The following SNTG2 variants were observed in gnomAD, a reference collection of about 807,000 sequenced individuals.
SNTG2 encodes syntrophin gamma 2, also known as gamma-2-syntrophin.
In SNTG2, 74 loss-of-function variants were observed where a neutral mutation model predicts 70.9. That is an observed-to-expected ratio of 1.04 (90% CI 0.86 to 1.27). The LOEUF (loss-of-function observed/expected upper bound fraction) is 1.27, where lower values mean the gene tolerates loss of function less well. Ranked by LOEUF, SNTG2 falls within the 50% of genes most tolerant of loss-of-function variation. The pLI is 0.00. For missense variants in SNTG2, 717 were observed against 690.7 expected, an observed-to-expected ratio of 1.04 and a Z score of -0.43; for synonymous variants, 278 against 273.8, an observed-to-expected ratio of 1.02 and a Z score of -0.15.
chr2:1,258,035 A>T (rs796832718), intron 12 of SNTG2, among the ~76,000 whole-genome samples: 6 of 152,312 alleles, frequency 3.9e-5, no homozygotes, highest in African/African-American at 1.4e-4. Flanking sequence ...GTGGATCCAC[A>T]ATTCTGTATT....
intron 4 of SNTG2, among the ~76,000 whole-genome samples, chr2:1,128,291 A>G (rs543938873): frequency 6.6e-6 from 1 of 152,284 alleles, no homozygotes; most frequent in African/African-American, 2.4e-5. Context: ...TCTCGAGTCT[A>G]TTCATTTCAC....
intron 2 of SNTG2, 50 bp from the exon 3 acceptor site, chr2:1,098,146 G>T: frequency 4.4e-6 from 7 of 1,576,560 alleles, no homozygotes; most frequent in Non-Finnish European, 6.1e-6. Flanking sequence ...TTCACTTTCT[G>T]ATAGTGCATT....
chr2:1,359,563 C>A (rs921070992), intron 16 of SNTG2, among the ~76,000 whole-genome samples: 6 of 152,136 alleles, frequency 3.9e-5, no homozygotes, highest in African/African-American at 1.4e-4. Context: ...GTCTTGAAAT[C>A]TAAAGTGAGT....
intron 6 of SNTG2, among the ~76,000 whole-genome samples, chr2:1,143,880 A>G (rs1668919927): frequency 1.4e-5 from 2 of 139,740 alleles, no homozygotes; most frequent in South Asian, 4.7e-4. Flanking sequence ...CTCAAACAAC[A>G]AACAACCCCC....
At chr2:1,004,567 C>T (rs773576383) in intron 1 of SNTG2, among the ~76,000 whole-genome samples, 5 of 152,172 alleles carry the variant, frequency 3.3e-5, no homozygotes, top group Admixed American at 6.5e-5. Flanking sequence ...TGAGGATGCT[C>T]AATGTCACAT....
intron 1 of SNTG2, among the ~76,000 whole-genome samples, chr2:1,015,265 A>G (rs1659853550): frequency 6.6e-6 from 1 of 152,138 alleles, no homozygotes; most frequent in African/African-American, 2.4e-5. Context: ...AAATGGATTC[A>G]ATGTCTAGTT....
rs1324309154 is a variant in SNTG2 at position 1,014,511 on chromosome 2, A to G, written c.72+63443A>G. On this transcript the variant is annotated intron_variant, in intron 1 of 16. Transcript: ENST00000308624. Reference sequence around the variant, plus strand: ...AAGGGTGGTCTGGAGAGGGATTTATATGGGCAGAAAGAAGGGTGGTCTGGA... The same window carrying G: ...AAGGGTGGTCTGGAGAGGGATTTATGTGGGCAGAAAGAAGGGTGGTCTGGA... Among the ~76,000 whole-genome samples, 3 of 81,810 alleles carry G rather than the reference A, an allele frequency of 3.7e-5. 1 individual carries two copies. The highest frequency in any genetic ancestry group is 8.4e-5 in the Non-Finnish European group (3 of 35,578). The allele number at this position is 81,810 out of a possible 152,430, so 53.7% of individuals were successfully genotyped here. A position where few individuals can be genotyped will look rare whatever the true frequency, so the allele number is the denominator to read the frequency against.
intron 1 of SNTG2, among the ~76,000 whole-genome samples, chr2:952,009 A>G (rs921039631): frequency 1.3e-4 from 20 of 152,196 alleles, no homozygotes; most frequent in Non-Finnish European, 7.3e-5. Flanking sequence ...TAATGATTCT[A>G]AACTAGGACT....
At chr2:1,008,263 C>T (rs539885795) in intron 1 of SNTG2, among the ~76,000 whole-genome samples, 11 of 152,262 alleles carry the variant, frequency 7.2e-5, no homozygotes, top group African/African-American at 2.2e-4. Context: ...GGGGACATTT[C>T]GAATGTGTGT....
intron 16 of SNTG2, among the ~76,000 whole-genome samples, chr2:1,359,030 CT>C (rs963199748): frequency 6.6e-6 from 1 of 152,068 alleles, no homozygotes; most frequent in African/African-American, 2.4e-5. Flanking sequence ...ATCCCAAATG[CT>C]TTGGAACAGA....
intron 1 of SNTG2, among the ~76,000 whole-genome samples, chr2:968,565 T>C (rs1193400277): frequency 1.3e-5 from 2 of 152,182 alleles, no homozygotes; most frequent in Admixed American, 1.3e-4. Flanking sequence ...GAGTCTTATG[T>C]TTCTGATCTG....
At chr2:1,360,767 C>A (rs745734209) in intron 16 of SNTG2, among the ~76,000 whole-genome samples, 5 of 152,134 alleles carry the variant, frequency 3.3e-5, no homozygotes, top group Non-Finnish European at 5.9e-5. Flanking sequence ...GATGAGCAAA[C>A]CCTTCACTCA....
intron 1 of SNTG2, among the ~76,000 whole-genome samples, chr2:967,035 A>G (rs1437056978): frequency 6.6e-6 from 1 of 152,252 alleles, no homozygotes; most frequent in Non-Finnish European, 1.5e-5. Context: ...AGAAACTTTA[A>G]AAGTCCAAAA....
chr2:1,109,364 A>T (rs1469397931), intron 4 of SNTG2, among the ~76,000 whole-genome samples: 1 of 152,104 alleles, frequency 6.6e-6, no homozygotes, highest in Non-Finnish European at 1.5e-5. Context: ...CACACAGAGA[A>T]AGGATGATGA....
In SNTG2 at chr2:1,308,528, T is replaced by C. The variant is rs1465294079; in HGVS notation, c.1319T>C (p.Met440Thr). The C allele has an allele frequency of 7.7e-6, 12 of 1,551,632 alleles. No individual in the cohort carries two copies. The highest frequency in any genetic ancestry group is 1.0e-5 in the Non-Finnish European group (12 of 1,147,016). ...RTYMCSWQGE[M>T]LCFTVDFALG... The stretch of plus-strand genomic sequence containing the variant: ...TACATGTGCAGCTGGCAAGGAGAGA[T>C]GCTGTGTTTCACGGTGGATTTCGCG... Residue 440 changes from methionine (M) to threonine (T), a missense_variant, in exon 15 of 17, where the codon ATG becomes ACG. Transcript: ENST00000308624.
chr2:1,006,061 T>A (rs1006526023), intron 1 of SNTG2, among the ~76,000 whole-genome samples: 3 of 148,994 alleles, frequency 2.0e-5, no homozygotes, highest in Non-Finnish European at 4.4e-5. Flanking sequence ...AGTAAACTAT[T>A]GCAAGAACAA....
intron 1 of SNTG2, among the ~76,000 whole-genome samples, chr2:1,040,499 C>A (rs926593859): frequency 6.6e-6 from 1 of 152,244 alleles, no homozygotes; most frequent in Non-Finnish European, 1.5e-5. Flanking sequence ...AAGGCTCTGA[C>A]TTCCTCTGGC....
intron 6 of SNTG2, among the ~76,000 whole-genome samples, chr2:1,154,413 T>C (rs1174722331): frequency 1.3e-5 from 2 of 152,210 alleles, no homozygotes; most frequent in African/African-American, 4.8e-5. Context: ...ATTGAGATTA[T>C]GAATGAAAAC....
intron 1 of SNTG2, among the ~76,000 whole-genome samples, chr2:1,063,888 C>T (rs4375893): frequency 0.56 from 85,504 of 151,988 alleles, 24,379 homozygotes; most frequent in East Asian, 0.68. Context: ...ACAATGGCCA[C>T]GAATTTATGA....
Sources: allele counts gnomAD v4.1 joint callset (sites outside exome capture counted in the v4.1 genomes callset), GRCh38; gene constraint gnomAD v4.1.1; transcripts MANE v1.5; gene names NCBI Gene and HGNC (gene_info 2026-07-23, HGNC 2026-07-21).